The following ARPC1A variants were observed in gnomAD, a reference collection of about 807,000 sequenced individuals.
The protein encoded by ARPC1A is actin-related protein 2/3 complex subunit 1A.
Under a neutral mutation model 46.9 loss-of-function variants are expected in ARPC1A, and 8 were observed. The ratio of observed to expected loss-of-function variants is 0.17; its 90% CI spans 0.10 to 0.31. The LOEUF is 0.31. ARPC1A is among the 10% of genes least tolerant of loss of function. ARPC1A has a pLI of 1.00. For missense variants in ARPC1A, 286 were observed against 483.6 expected, an observed-to-expected ratio of 0.59 and a Z score of 3.83; for synonymous variants, 152 against 169.0, an observed-to-expected ratio of 0.90 and a Z score of 0.78.
chr7:99,342,000 T>C (rs533689985), intron 3 of ARPC1A, among the ~76,000 whole-genome samples: 1 of 152,324 alleles, frequency 6.6e-6, no homozygotes, highest in South Asian at 2.1e-4. Flanking sequence ...ATCAGAGTTC[T>C]GAGGTTTTAT....
intron 3 of ARPC1A, among the ~76,000 whole-genome samples, chr7:99,341,299 ACT>A (rs1052097266): frequency 5.3e-5 from 8 of 150,204 alleles, no homozygotes; most frequent in African/African-American, 2.0e-4. Flanking sequence ...ATACAGCAAG[ACT>A]CTGTCTCCAA....
intron 9 of ARPC1A, among the ~76,000 whole-genome samples, chr7:99,363,860 A>G (rs1304865144): frequency 2.6e-5 from 4 of 152,022 alleles, no homozygotes; most frequent in African/African-American, 9.7e-5. Context: ...CAAAACTCTT[A>G]TGAGAAGAAT....
chr7:99,353,090 T>C (rs1793570895), intron 5 of ARPC1A, among the ~76,000 whole-genome samples: 1 of 147,036 alleles, frequency 6.8e-6, no homozygotes, highest in South Asian at 2.2e-4. Flanking sequence ...CATGATTTAT[T>C]ATTTTAGTTT....
At chr7:99,359,122 T>C (rs529861772) in intron 7 of ARPC1A, among the ~76,000 whole-genome samples, 116 of 145,948 alleles carry the variant, frequency 7.9e-4, no homozygotes, top group African/African-American at 1.8e-3. Flanking sequence ...TGAGCCACCG[T>C]GCCCGGCCGC....
intron 9 of ARPC1A, 56 bp downstream of exon 9, chr7:99,363,689 T>G (rs930677487): frequency 3.0e-6 from 4 of 1,349,104 alleles, no homozygotes; most frequent in Non-Finnish European, 4.1e-6. Flanking sequence ...TTTTTTTTTT[T>G]TTAAGAGATA....
chr7:99,358,471 G>A, intron 7 of ARPC1A, 56 bp downstream of exon 7: 1 of 1,468,862 alleles, frequency 6.8e-7, no homozygotes, highest in Non-Finnish European at 9.5e-7. Context: ...GCTCAGACAG[G>A]GAACAATGTG....
At chr7:99,344,613 G>A in intron 4 of ARPC1A, 98 bp downstream of exon 4, 1 of 1,273,814 alleles carries the variant, frequency 7.9e-7, no homozygotes, top group Non-Finnish European at 1.1e-6. Context: ...CTCATCCGGA[G>A]TTGTGTGGTT....
At chr7:99,330,298 C>T (rs1308497893) in intron 1 of ARPC1A, among the ~76,000 whole-genome samples, 1 of 151,274 alleles carries the variant, frequency 6.6e-6, no homozygotes, top group South Asian at 2.1e-4. Flanking sequence ...CTTTGGGTTC[C>T]CCCCCCCTTT....
intron 2 of ARPC1A, among the ~76,000 whole-genome samples, chr7:99,334,734 T>TA (rs1793210341): frequency 6.6e-6 from 1 of 152,192 alleles, no homozygotes; most frequent in South Asian, 2.1e-4. Flanking sequence ...CAAGCTGGAG[T>TA]GCAGTGGTGC....
At chr7:99,358,998 A>T (rs1793691196) in intron 7 of ARPC1A, among the ~76,000 whole-genome samples, 1 of 150,952 alleles carries the variant, frequency 6.6e-6, no homozygotes, top group Non-Finnish European at 1.5e-5. Context: ...CGCCGGGCTA[A>T]TTTTTTTTAT....
Position 99,350,570 on chromosome 7 carries a change from A to C in ARPC1A, c.500+1611A>C, listed in dbSNP as rs571152856. ...GCTTTTTTCCCTTTAGCTGAAAGGA[A>C]AGCAAAGCAAATAAATGTTGCTTTG... On this transcript the variant is annotated intron_variant, in intron 5 of 9. Coordinates refer to ENST00000262942, the MANE Select transcript of ARPC1A (RefSeq NM_006409.4). 2.6e-5 allele frequency among the ~76,000 whole-genome samples: 4 copies of C among 151,856 alleles called. No homozygotes were observed. In the East Asian group the frequency reaches 7.7e-4, roughly 29 times the overall value.
chr7:99,344,112 A>C (rs1793399030), intron 3 of ARPC1A, among the ~76,000 whole-genome samples, 181 bp from the exon 4 acceptor site: 1 of 152,212 alleles, frequency 6.6e-6, no homozygotes, highest in South Asian at 2.1e-4. Flanking sequence ...GACGCTTTGC[A>C]GAGAAGCATC....
chr7:99,339,683 T>C (rs889183684), intron 3 of ARPC1A, among the ~76,000 whole-genome samples: 1 of 152,242 alleles, frequency 6.6e-6, no homozygotes, highest in Non-Finnish European at 1.5e-5. Context: ...ATCAAGTTTA[T>C]TCCTTTTAAC....
intron 2 of ARPC1A, among the ~76,000 whole-genome samples, chr7:99,336,924 C>T (rs1385794674): frequency 6.6e-6 from 1 of 151,598 alleles, no homozygotes; most frequent in Non-Finnish European, 1.5e-5. Flanking sequence ...GAGTTAAAGA[C>T]CAGCCTAGGC....
At chr7:99,344,650 T>C (rs2150865646) in intron 4 of ARPC1A, 135 bp downstream of exon 4, 1 of 938,214 alleles carries the variant, frequency 1.1e-6, no homozygotes, top group East Asian at 2.6e-5. Flanking sequence ...CGATTCTGTC[T>C]GAGCATTTTC....
intron 3 of ARPC1A, among the ~76,000 whole-genome samples, chr7:99,341,838 T>G (rs1345650609): frequency 6.6e-6 from 1 of 151,980 alleles, no homozygotes; most frequent in Non-Finnish European, 1.5e-5. Context: ...GTTGGAAAAA[T>G]CTAAATATAA....
intron 7 of ARPC1A, 40 bp downstream of exon 7, chr7:99,358,455 T>C: frequency 6.4e-7 from 1 of 1,570,380 alleles, no homozygotes; most frequent in Non-Finnish European, 8.8e-7. Context: ...GTGCACTGTA[T>C]GTGATGCTCA....
At chr7:99,347,745 C>G (rs1408811165) in intron 4 of ARPC1A, among the ~76,000 whole-genome samples, 1 of 151,256 alleles carries the variant, frequency 6.6e-6, no homozygotes, top group Non-Finnish European at 1.5e-5. Flanking sequence ...GTGATTCTTG[C>G]TTGACCCCGG....
At chr7:99,361,159 G>A (rs1434939601) in intron 8 of ARPC1A, among the ~76,000 whole-genome samples, 1 of 152,002 alleles carries the variant, frequency 6.6e-6, no homozygotes, top group Admixed American at 6.6e-5. Context: ...CATCTTCAGC[G>A]GAGAAGGGGC....
Sources: gnomAD v4.1 joint callset for allele counts (sites outside exome capture counted in the v4.1 genomes callset) on GRCh38, gnomAD v4.1.1 for gene constraint, MANE v1.5 for transcripts, NCBI Gene and HGNC (gene_info 2026-07-23, HGNC 2026-07-21) for gene names.